Variants in TMTC1 observed in about 807,000 individuals in gnomAD.
TMTC1 encodes the protein transmembrane O-mannosyltransferase targeting cadherins 1.
TMTC1 carries 73 observed loss-of-function variants against 104.8 expected under a neutral mutation model. The observed-to-expected ratio is 0.70, with a 90% CI of 0.58 to 0.85. TMTC1 has a LOEUF of 0.85. Among genes scored for constraint, TMTC1 ranks in the 40% least tolerant of loss-of-function variants. The pLI, the probability that TMTC1 is intolerant of heterozygous loss-of-function variation, is 0.00. For synonymous variants in TMTC1, 434 were observed against 428.7 expected, an observed-to-expected ratio of 1.01 and a Z score of -0.15; for missense variants, 1,035 against 1,096.1, an observed-to-expected ratio of 0.94 and a Z score of 0.79.
At position 29,692,057 on chromosome 12, in the gene TMTC1, T is replaced by C. The variant is rs918571128; in HGVS notation, c.939-58721A>G. On this transcript the variant is annotated intron_variant, in intron 5 of 17. Coordinates refer to ENST00000539277, the MANE Select transcript of TMTC1 (RefSeq NM_001193451.2). ...TTGTGATATAAATGAATGACCTCAGTAGACATTGTCATTACTCTCAACAAA... is the reference window on the plus strand; with the variant it reads ...TTGTGATATAAATGAATGACCTCAGCAGACATTGTCATTACTCTCAACAAA... 5.5e-5 allele frequency among the ~76,000 whole-genome samples: 8 copies of C among 145,628 alleles called. 1 individual carries two copies. The highest frequency in any genetic ancestry group is 2.0e-4 in the African/African-American group (8 of 39,802).
intron 1 of TMTC1, among the ~76,000 whole-genome samples, chr12:29,779,683 T>C (rs907795910): frequency 1.3e-5 from 2 of 152,158 alleles, no homozygotes; most frequent in African/African-American, 4.8e-5. Flanking sequence ...TACATTTTAA[T>C]AAAAAATATG....
chr12:29,694,138 C>A (rs180823041), intron 5 of TMTC1, among the ~76,000 whole-genome samples: 2 of 150,542 alleles, frequency 1.3e-5, no homozygotes, highest in East Asian at 3.9e-4. Flanking sequence ...CTCTACATAC[C>A]GTCCTTAACA....
intron 2 of TMTC1, among the ~76,000 whole-genome samples, chr12:29,763,821 G>A (rs1943405060): frequency 6.6e-6 from 1 of 152,202 alleles, no homozygotes. Flanking sequence ...CTTTCCAGGT[G>A]GAGGATACAA....
intron 5 of TMTC1, among the ~76,000 whole-genome samples, chr12:29,684,989 G>A (rs1418024184): frequency 3.3e-5 from 5 of 151,984 alleles, no homozygotes; most frequent in African/African-American, 1.2e-4. Flanking sequence ...TTCAAACAGT[G>A]TGCATTCTAT....
intron 11 of TMTC1, chr12:29,533,748 G>T (rs998635381): frequency 7.9e-5 from 12 of 152,118 alleles, no homozygotes; most frequent in African/African-American, 2.7e-4. Context: ...GAAAGAGCTG[G>T]AAATGGTAGT....
Position 29,617,536 on chromosome 12 carries a change from C to CAGAGAGAGAG in TMTC1, c.1129-13247_1129-13238dup, listed in dbSNP as rs145115277. On this transcript the variant is annotated intron_variant, in intron 6 of 17. Transcript: ENST00000539277. ...AAACATCAGTAAGCAAAACAGACAA[C>CAGAGAGAGAG]AGAGAGAGAGAGAGAGAGAGAGAGA... Among the ~76,000 whole-genome samples the CAGAGAGAGAG allele has an allele frequency of 6.8e-3, 914 of 134,972 alleles. 10 individuals are homozygous for CAGAGAGAGAG. The highest frequency in any genetic ancestry group is 0.028 in the South Asian group (119 of 4,176). The allele number at this position is 134,972 out of a possible 152,430, so 88.5% of individuals were successfully genotyped here.
chr12:29,625,377 C>T (rs1355033557), intron 6 of TMTC1, among the ~76,000 whole-genome samples: 2 of 152,182 alleles, frequency 1.3e-5, no homozygotes, highest in Admixed American at 1.3e-4. Flanking sequence ...TGATTCCTAT[C>T]TCCCTTCTGG....
At chr12:29,737,334 C>T (rs527485060) in intron 5 of TMTC1, among the ~76,000 whole-genome samples, 4 of 152,224 alleles carry the variant, frequency 2.6e-5, no homozygotes, top group African/African-American at 7.2e-5. Context: ...GCCTGACCAA[C>T]GTGGAGAAAC....
chr12:29,662,825 T>A (rs892038938), intron 5 of TMTC1, among the ~76,000 whole-genome samples: 3 of 152,158 alleles, frequency 2.0e-5, no homozygotes, highest in Non-Finnish European at 4.4e-5. Flanking sequence ...TGATACATGC[T>A]CAGATCTGGC....
intron 10 of TMTC1, among the ~76,000 whole-genome samples, chr12:29,551,668 A>G (rs1368684226): frequency 6.6e-6 from 1 of 152,226 alleles, no homozygotes; most frequent in African/African-American, 2.4e-5. Context: ...GAGCATTCAC[A>G]GAAATATTTT....
rs369567428 is a variant in TMTC1, at chr12:29,500,938, A to G, written c.*5908T>C. On this transcript the variant is annotated 3_prime_UTR_variant, in exon 18 of 18. Coordinates refer to ENST00000539277, the MANE Select transcript of TMTC1 (RefSeq NM_001193451.2). Reference sequence around the variant, plus strand: ...CATCATTAGACTCAATGGGAGAAATACTTTATGGAAGATAAATTCTAACGG... The same window carrying G: ...CATCATTAGACTCAATGGGAGAAATGCTTTATGGAAGATAAATTCTAACGG... The G allele has an allele frequency of 2.0e-5, 3 of 152,306 alleles. No homozygotes were observed. The South Asian group carries it at 6.2e-4, about 32-fold the overall frequency. 9.4% of individuals were successfully genotyped at this position (152,306 alleles called of 1,614,324 possible).
intron 7 of TMTC1, among the ~76,000 whole-genome samples, chr12:29,603,556 A>G (rs1177892938): frequency 1.3e-5 from 2 of 152,150 alleles, no homozygotes; most frequent in Non-Finnish European, 2.9e-5. Flanking sequence ...TGATTCAGTG[A>G]CATTTTCAAG....
At chr12:29,575,405 G>T (rs1180327786) in intron 8 of TMTC1, among the ~76,000 whole-genome samples, 1 of 151,938 alleles carries the variant, frequency 6.6e-6, no homozygotes, top group African/African-American at 2.4e-5. Context: ...AGATTAAGAG[G>T]AGAATTCCAT....
intron 5 of TMTC1, among the ~76,000 whole-genome samples, chr12:29,732,854 C>T (rs1463484292): frequency 1.3e-5 from 2 of 152,056 alleles, no homozygotes; most frequent in Admixed American, 6.6e-5. Context: ...GCTTCTCATG[C>T]CATTTAAAGT....
intron 5 of TMTC1, among the ~76,000 whole-genome samples, chr12:29,725,868 C>T (rs1942374321): frequency 6.6e-6 from 1 of 152,200 alleles, no homozygotes; most frequent in African/African-American, 2.4e-5. Flanking sequence ...TGCTAAAACT[C>T]AATATTCAAA....
chr12:29,769,637 G>C (rs1322088893), intron 1 of TMTC1, among the ~76,000 whole-genome samples: 1 of 152,310 alleles, frequency 6.6e-6, no homozygotes, highest in East Asian at 1.9e-4. Flanking sequence ...AGTTCCCTAA[G>C]AGTCCACCCC....
chr12:29,661,989 T>C (rs1030043113), intron 5 of TMTC1, among the ~76,000 whole-genome samples: 3 of 151,928 alleles, frequency 2.0e-5, no homozygotes, highest in Non-Finnish European at 4.4e-5. Context: ...AAAAAGATGA[T>C]GAAAGGGAAT....
At chr12:29,684,673 T>C (rs1196555263) in intron 5 of TMTC1, among the ~76,000 whole-genome samples, 1 of 152,190 alleles carries the variant, frequency 6.6e-6, no homozygotes. Context: ...GATCTCTCTC[T>C]AGACTCAGAA....
rs1246168399 is a variant in TMTC1 at position 29,576,773 on chromosome 12, T to G, written c.1419-4555A>C. On this transcript the variant is annotated intron_variant, in intron 8 of 17. Coordinates refer to ENST00000539277, the MANE Select transcript of TMTC1 (RefSeq NM_001193451.2). ...TTTAAGTCTGCAAAGAGAGTAGATT[T>G]TAGGTGCCCTTACTATTAATACAAA... Among the ~76,000 whole-genome samples, 4 of 152,120 alleles carry G rather than the reference T, an allele frequency of 2.6e-5. No individual in the cohort carries two copies. The East Asian group carries it at 5.8e-4, about 22-fold the overall frequency.
Sources: allele counts gnomAD v4.1 joint callset (sites outside exome capture counted in the v4.1 genomes callset), GRCh38; gene constraint gnomAD v4.1.1; transcripts MANE v1.5; gene names NCBI Gene and HGNC (gene_info 2026-07-23, HGNC 2026-07-21).